FOXK1: variants seen among roughly 807,000 people sequenced by gnomAD.
FOXK1 encodes forkhead box protein K1.
FOXK1 carries 19 observed loss-of-function variants against 51.9 expected under a neutral mutation model. The observed-to-expected ratio is 0.37, with a 90% confidence interval of 0.26 to 0.54. FOXK1 has a LOEUF of 0.54. Among genes scored for constraint, FOXK1 ranks in the 20% least tolerant of loss-of-function variants. The pLI is 0.87. For missense variants in FOXK1, 870 were observed against 1,032.7 expected (o/e 0.84, Z 2.16); for synonymous variants, 537 against 482.6 (o/e 1.11, Z -1.48).
rs577179880 is a variant in FOXK1 at position 4,722,461 on chromosome 7, C to T, written c.561-18377C>T. Among the ~76,000 whole-genome samples, 57 of 152,328 alleles carry T rather than the reference C, an allele frequency of 3.7e-4. No homozygotes were observed. The highest frequency in any genetic ancestry group is 6.0e-4 in the Non-Finnish European group (41 of 68,034). On this transcript the variant is annotated intron_variant, in intron 1 of 8. Coordinates refer to ENST00000328914, the MANE Select transcript of FOXK1 (RefSeq NM_001037165.2). The surrounding 1 kb of genome is among the most constrained non-coding windows in gnomAD (Gnocchi z 5.1). ...TCCCGTGGCCAAGTGGCAGCGGTGC[C>T]GGACATACACGGCAGGGCAGTGGGC...
chr7:4,754,806 G>A (rs533547689), intron 3 of FOXK1, 191 bp downstream of exon 3: 30 of 733,174 alleles, frequency 4.1e-5, no homozygotes, highest in South Asian at 3.0e-4. Flanking sequence ...AATCATCCCC[G>A]TTGGTCATTT....
In FOXK1 at chr7:4,768,121, CTTTTTTTTTTTTTTT is replaced by C. The variant is rs749703452; in HGVS notation, c.*5672_*5686del. ...AAAAACAGACCCATTTCACTGACTT[CTTTTTTTTTTTTTTT>C]TTTTTTTTTTTTTTGAGACGGAGTC... is the stretch of plus-strand genomic sequence containing the variant. On this transcript the variant is annotated 3_prime_UTR_variant, in exon 9 of 9. Transcript: ENST00000328914. 10 of 79,170 alleles carry C rather than the reference CTTTTTTTTTTTTTTT, an allele frequency of 1.3e-4. 1 individual carries two copies. Among genetic ancestry groups the C allele is most frequent in the African/African-American group, 6.5e-4 (10 of 15,492 alleles). The allele number at this position is 79,170 out of a possible 1,614,324, so 4.9% of individuals were successfully genotyped here. A position where few individuals can be genotyped will look rare whatever the true frequency, so the allele number is the denominator to read the frequency against.
chr7:4,752,216 C>T (rs1474813633), intron 2 of FOXK1, among the ~76,000 whole-genome samples: 1 of 152,248 alleles, frequency 6.6e-6, no homozygotes, highest in African/African-American at 2.4e-5. Context: ...ACAATTATAG[C>T]TCACTGTAGC....
rs995348565 is a variant in FOXK1 at position 4,735,859 on chromosome 7, T to A, written c.561-4979T>A. ...TCCCTGAGCATGCTGGGGAAACATCTATTTAAAAATCAAGCCAGGTGCAGC... is the reference window on the plus strand; with the variant it reads ...TCCCTGAGCATGCTGGGGAAACATCAATTTAAAAATCAAGCCAGGTGCAGC... On this transcript the variant is annotated intron_variant, in intron 1 of 8. Transcript: ENST00000328914. The surrounding 1 kb of genome is among the most constrained non-coding windows in gnomAD (Gnocchi z 4.7). Among the ~76,000 whole-genome samples, 4 of 152,150 alleles carry A rather than the reference T, an allele frequency of 2.6e-5. No individual in the cohort carries two copies. The highest frequency in any genetic ancestry group is 5.9e-5 in the Non-Finnish European group (4 of 68,038).
chr7:4,741,658 A>G (rs1432326410), intron 2 of FOXK1, among the ~76,000 whole-genome samples: 2 of 152,230 alleles, frequency 1.3e-5, no homozygotes, highest in African/African-American at 4.8e-5. Flanking sequence ...ATATTTGTCC[A>G]CCAGGATTTG....
In FOXK1 at chr7:4,703,878, A is replaced by G. The variant is rs949875193; in HGVS notation, c.560+21010A>G. ...GAGAAAAGTAACATATGGCAGTCAC[A>G]TTACATTATGACCATGAAGGCTAAA... is the stretch of plus-strand genomic sequence containing the variant. On this transcript the variant is annotated intron_variant, in intron 1 of 8. Coordinates refer to ENST00000328914, the MANE Select transcript of FOXK1 (RefSeq NM_001037165.2). This position sits in a 1 kb window ranked among gnomAD's most constrained non-coding sequence, Gnocchi z 5.6. Among the ~76,000 whole-genome samples, 3 of 152,190 alleles carry G rather than the reference A, an allele frequency of 2.0e-5. No homozygotes were observed. Among genetic ancestry groups the G allele is most frequent in the African/African-American group, 4.8e-5 (2 of 41,448 alleles).
In FOXK1 at chr7:4,683,847, G is replaced by C. The variant is rs1399941136; in HGVS notation, c.560+979G>C. ...GGAAGTGCGAGGTCCCTAGGAGTGT[G>C]GGCTGTGCTGAAGGAGCAGAGGCCT... On this transcript the variant is annotated intron_variant, in intron 1 of 8. Coordinates refer to ENST00000328914, the MANE Select transcript of FOXK1 (RefSeq NM_001037165.2). The surrounding 1 kb of genome is among the most constrained non-coding windows in gnomAD (Gnocchi z 4.5). Among the ~76,000 whole-genome samples, 2 of 152,214 alleles carry C rather than the reference G, an allele frequency of 1.3e-5. No individual in the cohort carries two copies. The highest frequency in any genetic ancestry group is 2.9e-5 in the Non-Finnish European group (2 of 68,026).
At chr7:4,726,926 T>C (rs930260428) in intron 1 of FOXK1, among the ~76,000 whole-genome samples, 1 of 152,220 alleles carries the variant, frequency 6.6e-6, no homozygotes, top group African/African-American at 2.4e-5. Context: ...ATAGCAGATA[T>C]TAGTTGTCAA....
rs1583188373 is a variant in FOXK1, at chr7:4,707,683, A to G, written c.560+24815A>G. 7.2e-6 allele frequency among the ~76,000 whole-genome samples: 1 copy of G among 138,496 alleles called. No homozygotes were observed. The highest frequency in any genetic ancestry group is 2.0e-4 in the East Asian group (1 of 5,046). The allele number at this position is 138,496 out of a possible 152,430, so 90.9% of individuals were successfully genotyped here. A position where few individuals can be genotyped will look rare whatever the true frequency, so the allele number is the denominator to read the frequency against. ...TTCATGCGTGTGCGACCAGTACTCC[A>G]TTTCACTTTTTTTTTTTTTGAGACG... is the stretch of plus-strand genomic sequence containing the variant. On this transcript the variant is annotated intron_variant, in intron 1 of 8. Coordinates refer to ENST00000328914, the MANE Select transcript of FOXK1 (RefSeq NM_001037165.2). This position sits in a 1 kb window ranked among gnomAD's most constrained non-coding sequence, Gnocchi z 4.1.
rs1000044813 is a variant in FOXK1 at position 4,682,985 on chromosome 7, G to A, written c.560+117G>A. ...TCCTCGGCCTCGACCCCCACCCCCC[G>A]GCCCACCCCCGGTAACCCCCGACCG... On this transcript the variant is annotated intron_variant, in intron 1 of 8. Transcript: ENST00000328914. This position sits in a 1 kb window ranked among gnomAD's most constrained non-coding sequence, Gnocchi z 7.6. 1 of 925,742 alleles carries A rather than the reference G, an allele frequency of 1.1e-6. No individual in the cohort carries two copies. Among genetic ancestry groups the A allele is most frequent in the Non-Finnish European group, 1.4e-6 (1 of 726,090 alleles). 57.3% of individuals were successfully genotyped at this position (925,742 alleles called of 1,614,324 possible).
At chr7:4,694,674 T>C (rs1310678164) in intron 1 of FOXK1, among the ~76,000 whole-genome samples, 2 of 152,146 alleles carry the variant, frequency 1.3e-5, no homozygotes, top group Admixed American at 6.5e-5. Context: ...TAGCCTAGAT[T>C]TGGAGCTTTG....
At position 4,756,991 on chromosome 7, in the gene FOXK1, C is replaced by T. The variant is rs770455957; in HGVS notation, c.1051-3C>T. On this transcript the variant is annotated splice_polypyrimidine_tract_variant and splice_region_variant and intron_variant, in intron 4 of 8. Coordinates refer to ENST00000328914, the MANE Select transcript of FOXK1 (RefSeq NM_001037165.2). This position sits in a 1 kb window ranked among gnomAD's most constrained non-coding sequence, Gnocchi z 4.1. Reference sequence around the variant, plus strand: ...ATGGGTGAATATCTCTGCTTCCCTGCAGAATTCTATCCGGCACAACCTCTC... The same window carrying T: ...ATGGGTGAATATCTCTGCTTCCCTGTAGAATTCTATCCGGCACAACCTCTC... 1 of 1,612,738 alleles carries T rather than the reference C, an allele frequency of 6.2e-7. No individual in the cohort carries two copies. Among genetic ancestry groups the T allele is most frequent in the East Asian group, 2.2e-5 (1 of 44,834 alleles).
At position 4,707,721 on chromosome 7, in the gene FOXK1, G is replaced by T. The variant is rs1041115651; in HGVS notation, c.560+24853G>T. On this transcript the variant is annotated intron_variant, in intron 1 of 8. Coordinates refer to ENST00000328914, the MANE Select transcript of FOXK1 (RefSeq NM_001037165.2). This position sits in a 1 kb window ranked among gnomAD's most constrained non-coding sequence, Gnocchi z 4.1. The stretch of plus-strand genomic sequence containing the variant: ...TTTTTTTGAGACGGACTCTCTCTCC[G>T]TTGCCCAGGCTGGAGTGCAGTGGCA... Among the ~76,000 whole-genome samples, 1 of 150,040 alleles carries T rather than the reference G, an allele frequency of 6.7e-6. No homozygotes were observed. The highest frequency in any genetic ancestry group is 1.5e-5 in the Non-Finnish European group (1 of 67,848).
At chr7:4,684,079 G>C (rs910219721) in intron 1 of FOXK1, among the ~76,000 whole-genome samples, 3 of 152,156 alleles carry the variant, frequency 2.0e-5, no homozygotes, top group Admixed American at 2.0e-4. Context: ...CGCCCATTCC[G>C]GTTCCCTCCT....
chr7:4,697,747 G>GC (rs1401688545), intron 1 of FOXK1, among the ~76,000 whole-genome samples: 2 of 41,310 alleles, frequency 4.8e-5, no homozygotes, highest in Non-Finnish European at 1.2e-4. Flanking sequence ...TAGGCTGTGT[G>GC]TGTGTGTGTG....
chr7:4,683,459 C>G lies in FOXK1; in HGVS notation c.560+591C>G, dbSNP rs1779779668. ...GAGTCACCCCTGACCGCTAACCCCA[C>G]AAGCCTGGGCTCGCAGGGCCACTCC... On this transcript the variant is annotated intron_variant, in intron 1 of 8. Transcript: ENST00000328914. This position sits in a 1 kb window ranked among gnomAD's most constrained non-coding sequence, Gnocchi z 4.5. 6.6e-6 allele frequency among the ~76,000 whole-genome samples: 1 copy of G among 151,920 alleles called. No homozygotes were observed. The highest frequency in any genetic ancestry group is 6.6e-5 in the Admixed American group (1 of 15,258).
Position 4,768,608 on chromosome 7 carries a change from C to A in FOXK1, c.*6144C>A, listed in dbSNP as rs1781051524. 1 of 152,480 alleles carries A rather than the reference C, an allele frequency of 6.6e-6. No homozygotes were observed. Among genetic ancestry groups the A allele is most frequent in the African/African-American group, 2.4e-5 (1 of 41,458 alleles). The allele number at this position is 152,480 out of a possible 1,614,324, so 9.4% of individuals were successfully genotyped here. ...TTTCAACCCCCTCCGGGAAGGTGGG[C>A]AGGGTGGAGGGCCCAGGGCTAGGCC... is the stretch of plus-strand genomic sequence containing the variant. On this transcript the variant is annotated 3_prime_UTR_variant, in exon 9 of 9. Coordinates refer to ENST00000328914, the MANE Select transcript of FOXK1 (RefSeq NM_001037165.2).
intron 1 of FOXK1, among the ~76,000 whole-genome samples, chr7:4,727,721 C>T (rs564210327): frequency 1.4e-4 from 22 of 152,380 alleles, no homozygotes; most frequent in South Asian, 2.1e-4. Context: ...CCCACCTTCC[C>T]GTCACTCCTC....
chr7:4,692,277 G>A (rs1307662484), intron 1 of FOXK1, among the ~76,000 whole-genome samples: 1 of 152,188 alleles, frequency 6.6e-6, no homozygotes, highest in Non-Finnish European at 1.5e-5. Flanking sequence ...TGAAGTACAT[G>A]GAGAAAAGCC....
Sources: allele counts gnomAD v4.1 joint callset (sites outside exome capture counted in the v4.1 genomes callset), GRCh38; gene constraint gnomAD v4.1.1; non-coding constraint Gnocchi (gnomAD v3.1); transcripts MANE v1.5; gene names NCBI Gene and HGNC (gene_info 2026-07-23, HGNC 2026-07-21).